Variants in GNG7 observed in about 807,000 individuals in gnomAD.
The protein encoded by GNG7 is guanine nucleotide-binding protein G(I)/G(S)/G(O) subunit gamma-7.
Under a neutral mutation model 4.0 loss-of-function variants are expected in GNG7, and 1 was observed. The ratio of observed to expected loss-of-function variants is 0.25; its 90% CI spans 0.09 to 1.18. The LOEUF (loss-of-function observed/expected upper bound fraction) is 1.18, where lower values mean the gene tolerates loss of function less well. GNG7 is among the 50% of genes most tolerant of loss of function. The pLI, the probability that GNG7 is intolerant of heterozygous loss-of-function variation, is 0.50. For synonymous variants in GNG7, 34 were observed against 36.9 expected (o/e 0.92, Z 0.29); for missense variants, 86 against 91.9 (o/e 0.94, Z 0.26).
chr19:2,545,975 CAAAA>C (rs1436046423), intron 3 of GNG7, among the ~76,000 whole-genome samples: 1 of 151,820 alleles, frequency 6.6e-6, no homozygotes, highest in Non-Finnish European at 1.5e-5. Context: ...CAAAACAAAA[CAAAA>C]CAAACAAACG....
chr19:2,668,371 C>T (rs1476656444), intron 1 of GNG7, among the ~76,000 whole-genome samples: 10 of 151,890 alleles, frequency 6.6e-5, no homozygotes, highest in South Asian at 4.2e-4. Context: ...AAAAGAAAGA[C>T]GCTAAAAACG....
chr19:2,684,003 G>A (rs984728201), intron 1 of GNG7, among the ~76,000 whole-genome samples: 7 of 152,166 alleles, frequency 4.6e-5, no homozygotes, highest in African/African-American at 9.7e-5. Flanking sequence ...ACAGAAGTGC[G>A]ACCAGCAAGT....
chr19:2,577,525 C>T (rs914771967), intron 2 of GNG7, among the ~76,000 whole-genome samples: 5 of 152,098 alleles, frequency 3.3e-5, no homozygotes, highest in Admixed American at 3.3e-4. Context: ...GGAGTGTCTT[C>T]CCACAACTCT....
rs933492313 is a variant in GNG7, at chr19:2,526,784, A to G, written c.-37-6059T>C. On this transcript the variant is annotated intron_variant, in intron 3 of 4. Transcript: ENST00000382159. ...TATAATATATTTAGATTACTATTTT[A>G]TATCTGTATATATGTATTATATAGT... 6.0e-5 allele frequency among the ~76,000 whole-genome samples: 9 copies of G among 150,436 alleles called. 1 individual carries two copies. In the South Asian group the frequency reaches 6.3e-4, roughly 10 times the overall value.
chr19:2,612,272 G>C (rs1981592124), intron 2 of GNG7, among the ~76,000 whole-genome samples: 1 of 152,128 alleles, frequency 6.6e-6, no homozygotes, highest in Non-Finnish European at 1.5e-5. Context: ...GCACTGCAGG[G>C]TGCTCAGCAG....
chr19:2,516,118 G>A (rs980273289), intron 4 of GNG7, among the ~76,000 whole-genome samples: 10 of 152,018 alleles, frequency 6.6e-5, no homozygotes, highest in African/African-American at 1.9e-4. Context: ...CTGGGGGGCT[G>A]AGGCTGGAGG....
rs934619048 is a variant in GNG7 at position 2,643,189 on chromosome 19, C to A, written c.-78+3035G>T. ...AGAAATGCAAAGTCGGAGACCTCTC[C>A]GGGCTCTGCACACCTTCCGGCCTTG... is the stretch of plus-strand genomic sequence containing the variant. On this transcript the variant is annotated intron_variant, in intron 2 of 4. Transcript: ENST00000382159. 15 of 452,770 alleles carry A rather than the reference C, an allele frequency of 3.3e-5. No individual in the cohort carries two copies. The Middle Eastern group carries it at 2.0e-3, about 59-fold the overall frequency. 28.0% of individuals were successfully genotyped at this position (452,770 alleles called of 1,614,324 possible). A position where few individuals can be genotyped will look rare whatever the true frequency, so the allele number is the denominator to read the frequency against.
chr19:2,620,438 C>G (rs1643137052), intron 2 of GNG7, among the ~76,000 whole-genome samples: 2 of 152,168 alleles, frequency 1.3e-5, no homozygotes, highest in African/African-American at 4.8e-5. Flanking sequence ...CCTGCCACCC[C>G]AGGGGCCACT....
chr19:2,551,622 T>C (rs995607377), intron 3 of GNG7, among the ~76,000 whole-genome samples: 10 of 147,438 alleles, frequency 6.8e-5, no homozygotes, highest in Middle Eastern at 3.6e-3. Flanking sequence ...TATATATTTA[T>C]AAATATATAA....
intron 1 of GNG7, chr19:2,701,087 C>G (rs1011757512): frequency 1.3e-5 from 2 of 152,082 alleles, no homozygotes; most frequent in African/African-American, 4.8e-5. Flanking sequence ...CCGACAGGAG[C>G]CTTTCTCCTT....
chr19:2,596,158 G>A (rs868063035), intron 2 of GNG7, among the ~76,000 whole-genome samples: 19 of 151,924 alleles, frequency 1.3e-4, no homozygotes, highest in Admixed American at 5.9e-4. Context: ...CAGGAGTTTG[G>A]GACCAGCATG....
chr19:2,537,224 C>G (rs1278686835), intron 3 of GNG7, among the ~76,000 whole-genome samples: 1 of 151,994 alleles, frequency 6.6e-6, no homozygotes, highest in Middle Eastern at 3.2e-3. Flanking sequence ...GCTGGGATTA[C>G]AAGCATGAGC....
intron 2 of GNG7, among the ~76,000 whole-genome samples, chr19:2,556,894 C>T (rs1002519938): frequency 2.6e-5 from 4 of 152,160 alleles, no homozygotes; most frequent in Admixed American, 1.3e-4. Context: ...GATGTGTTGG[C>T]CACAAATGTC....
chr19:2,663,057 C>T (rs1354678198), intron 1 of GNG7, among the ~76,000 whole-genome samples: 1 of 152,106 alleles, frequency 6.6e-6, no homozygotes, highest in Non-Finnish European at 1.5e-5. Flanking sequence ...ACAGAAACTG[C>T]AGGATAGTAA....
intron 1 of GNG7, among the ~76,000 whole-genome samples, chr19:2,690,959 T>C (rs79333134): frequency 0.03 from 4,521 of 152,162 alleles, 230 homozygotes; most frequent in African/African-American, 0.1. Flanking sequence ...TCCAAACCCG[T>C]AGAATCTTCA....
chr19:2,553,765 T>C (rs1282600420), intron 3 of GNG7, among the ~76,000 whole-genome samples: 2 of 148,306 alleles, frequency 1.3e-5, no homozygotes, highest in Non-Finnish European at 3.0e-5. Flanking sequence ...ATGCACATAT[T>C]GCATGTAATG....
At position 2,548,922 on chromosome 19, in the gene GNG7, C is replaced by T. The variant is rs534083994; in HGVS notation, c.-38+6227G>A. On this transcript the variant is annotated intron_variant, in intron 3 of 4. Transcript: ENST00000382159. ...ATGTTCCAGCCAGGAGCGGCTTTCT[C>T]GTGAACTGTGCATGTTGTTTGCATC... is the stretch of plus-strand genomic sequence containing the variant. Among the ~76,000 whole-genome samples the T allele has an allele frequency of 4.1e-4, 62 of 152,308 alleles. No individual in the cohort carries two copies. In the South Asian group the frequency reaches 4.8e-3, roughly 12 times the overall value.
intron 2 of GNG7, chr19:2,641,992 T>G (rs1982521060): frequency 6.6e-6 from 1 of 152,316 alleles, no homozygotes; most frequent in Non-Finnish European, 1.5e-5. Context: ...GCTTCAGCGC[T>G]GTCAGATAAT....
intron 2 of GNG7, among the ~76,000 whole-genome samples, chr19:2,621,193 G>A (rs915310944): frequency 2.0e-5 from 3 of 152,118 alleles, no homozygotes; most frequent in African/African-American, 4.8e-5. Context: ...GGGGAACCTC[G>A]GAAAATGACT....
Sources: gnomAD v4.1 joint callset for allele counts (sites outside exome capture counted in the v4.1 genomes callset) on GRCh38, gnomAD v4.1.1 for gene constraint, MANE v1.5 for transcripts, NCBI Gene and HGNC (gene_info 2026-07-23, HGNC 2026-07-21) for gene names.